BMF: variants seen among roughly 807,000 people sequenced by gnomAD.
The protein encoded by BMF is bcl-2-modifying factor.
Under a neutral mutation model 22.0 loss-of-function variants are expected in BMF, and 10 were observed. The observed-to-expected ratio is 0.45, with a 90% confidence interval of 0.28 to 0.77. BMF has a LOEUF of 0.77. Ranked by LOEUF, BMF falls within the 30% of genes least tolerant of loss-of-function variation. The pLI is 0.13. For synonymous variants in BMF, 87 were observed against 88.1 expected, an observed-to-expected ratio of 0.99 and a Z score of 0.07; for missense variants, 206 against 226.8, an observed-to-expected ratio of 0.91 and a Z score of 0.59.
intron 4 of BMF, among the ~76,000 whole-genome samples, chr15:40,095,497 T>C (rs375850058): frequency 6.6e-6 from 1 of 152,176 alleles, no homozygotes; most frequent in African/African-American, 2.4e-5. Context: ...ACTTGGCCTC[T>C]GACCCTCAGG....
intron 3 of BMF, among the ~76,000 whole-genome samples, chr15:40,105,420 G>A (rs982192279): frequency 6.6e-6 from 1 of 152,144 alleles, no homozygotes; most frequent in African/African-American, 2.4e-5. Flanking sequence ...TCCCAGAACC[G>A]GCTGGGTTTT....
rs142328136 is a variant in BMF at position 40,105,086 on chromosome 15, C to T, written c.292+709G>A. Reference sequence around the variant, plus strand: ...GAACTGCCCTAAGGGGCAGTTCCCTCTGGGAGTAACTGCAGTGTCTCCTCA... The same window carrying T: ...GAACTGCCCTAAGGGGCAGTTCCCTTTGGGAGTAACTGCAGTGTCTCCTCA... On this transcript the variant is annotated intron_variant, in intron 3 of 4. Coordinates refer to ENST00000354670, the MANE Select transcript of BMF (RefSeq NM_001003940.2). Among the ~76,000 whole-genome samples, 5 of 152,336 alleles carry T rather than the reference C, an allele frequency of 3.3e-5. No homozygotes were observed. The East Asian group carries it at 9.6e-4, about 29-fold the overall frequency.
chr15:40,106,262 T>C lies in BMF; in HGVS notation c.-5-171A>G. The C allele has an allele frequency of 2.8e-6, 2 of 718,980 alleles. No homozygotes were observed. The highest frequency in any genetic ancestry group is 4.3e-6 in the Non-Finnish European group (2 of 467,848). The allele number at this position is 718,980 out of a possible 1,614,324, so 44.5% of individuals were successfully genotyped here. A position where few individuals can be genotyped will look rare whatever the true frequency, so the allele number is the denominator to read the frequency against. On this transcript the variant is annotated intron_variant, in intron 2 of 4. Coordinates refer to ENST00000354670, the MANE Select transcript of BMF (RefSeq NM_001003940.2). This position sits in a 1 kb window ranked among gnomAD's most constrained non-coding sequence, Gnocchi z 4.1. ...AAGCACTGCTAAGGGTGACATTCACTCCCCAAATGTGGACTGCCTGAATGT... is the reference window on the plus strand; with the variant it reads ...AAGCACTGCTAAGGGTGACATTCACCCCCCAAATGTGGACTGCCTGAATGT...
At position 40,088,564 on chromosome 15, in the gene BMF, A is replaced by G. The variant is rs2036174807; in HGVS notation, c.*3223T>C. The G allele has an allele frequency of 1.3e-5, 2 of 152,370 alleles. No homozygotes were observed. The highest frequency in any genetic ancestry group is 1.3e-4 in the Admixed American group (2 of 15,284). The allele number at this position is 152,370 out of a possible 1,614,324, so 9.4% of individuals were successfully genotyped here. ...TGGGGTAGCATGCTCCTTGCTGTCCAGGACAGTCACCGTGGCTCCACAGCA... is the reference window on the plus strand; with the variant it reads ...TGGGGTAGCATGCTCCTTGCTGTCCGGGACAGTCACCGTGGCTCCACAGCA... On this transcript the variant is annotated 3_prime_UTR_variant, in exon 5 of 5. Coordinates refer to ENST00000354670, the MANE Select transcript of BMF (RefSeq NM_001003940.2).
intron 4 of BMF, 67 bp downstream of exon 4, chr15:40,104,113 G>C: frequency 6.3e-7 from 1 of 1,585,802 alleles, no homozygotes; most frequent in Non-Finnish European, 8.6e-7. Context: ...GACAAGAGGA[G>C]AGAGGCAGGC....
At chr15:40,105,000 C>T (rs144467805) in intron 3 of BMF, among the ~76,000 whole-genome samples, 2 of 152,290 alleles carry the variant, frequency 1.3e-5, no homozygotes, top group African/African-American at 4.8e-5. Context: ...CGCTCCTTTC[C>T]CTCTTCCCCG....
At chr15:40,092,806 G>C (rs997284628) in intron 4 of BMF, among the ~76,000 whole-genome samples, 3 of 151,992 alleles carry the variant, frequency 2.0e-5, no homozygotes, top group Non-Finnish European at 2.9e-5. Context: ...AAACTGGGGG[G>C]TGCTGGAAGA....
intron 4 of BMF, among the ~76,000 whole-genome samples, chr15:40,101,061 G>A (rs500804): frequency 0.3 from 45,918 of 152,044 alleles, 7,311 homozygotes; most frequent in Middle Eastern, 0.47. Context: ...CAATGATGGG[G>A]AATGACTATC....
chr15:40,099,533 C>T (rs953945301), intron 4 of BMF, among the ~76,000 whole-genome samples: 1 of 152,130 alleles, frequency 6.6e-6, no homozygotes, highest in African/African-American at 2.4e-5. Context: ...AATCCCAGCA[C>T]TTTGGGAGGC....
rs529621528 is a variant in BMF, at chr15:40,091,648, CAGAG to C, written c.*135_*138del. ...CGCTTGAGTATGTTGTATGTACACT[CAGAG>C]AGAAATTAAAAAAAATTAAAACACA... On this transcript the variant is annotated 3_prime_UTR_variant, in exon 5 of 5. Coordinates refer to ENST00000354670, the MANE Select transcript of BMF (RefSeq NM_001003940.2). The C allele has an allele frequency of 1.5e-6, 1 of 673,078 alleles. No individual in the cohort carries two copies. Among genetic ancestry groups the C allele is most frequent in the Non-Finnish European group, 2.5e-6 (1 of 392,554 alleles). The allele number at this position is 673,078 out of a possible 1,614,324, so 41.7% of individuals were successfully genotyped here.
intron 3 of BMF, among the ~76,000 whole-genome samples, chr15:40,105,083 C>T (rs1441083893): frequency 3.9e-5 from 6 of 152,198 alleles, no homozygotes; most frequent in Admixed American, 3.9e-4. Flanking sequence ...GGGGCAGTTC[C>T]CTCTGGGAGT....
At chr15:40,098,844 T>C (rs1448124177) in intron 4 of BMF, among the ~76,000 whole-genome samples, 1 of 152,098 alleles carries the variant, frequency 6.6e-6, no homozygotes, top group Non-Finnish European at 1.5e-5. Flanking sequence ...AAGGCCCTTC[T>C]CCTGGAAGAG....
At chr15:40,102,518 C>G (rs913870188) in intron 4 of BMF, among the ~76,000 whole-genome samples, 2 of 152,082 alleles carry the variant, frequency 1.3e-5, no homozygotes, top group African/African-American at 2.4e-5. Context: ...GGACTGTATC[C>G]TAGTCCTGTG....
rs1172494971 is a variant in BMF at position 40,108,248 on chromosome 15, A to ACACACC, written c.-6+10_-6+11insGGTGTG. On this transcript the variant is annotated intron_variant, in intron 2 of 4. Transcript: ENST00000354670. The stretch of plus-strand genomic sequence containing the variant: ...CACACACACACACACACACACACAC[A>ACACACC]CACCCCAGACCTGGGTGACTCCAGG... The ACACACC allele has an allele frequency of 6.5e-6, 1 of 153,458 alleles. No homozygotes were observed. The highest frequency in any genetic ancestry group is 1.4e-5 in the Non-Finnish European group (1 of 69,630). The allele number at this position is 153,458 out of a possible 1,614,324, so 9.5% of individuals were successfully genotyped here.
chr15:40,089,184 G>C lies in BMF; in HGVS notation c.*2603C>G, dbSNP rs566653706. 1.2e-4 allele frequency: 19 copies of C among 152,572 alleles called. No homozygotes were observed. In the East Asian group the frequency reaches 3.5e-3, roughly 28 times the overall value. 9.5% of individuals were successfully genotyped at this position (152,572 alleles called of 1,614,324 possible). On this transcript the variant is annotated 3_prime_UTR_variant, in exon 5 of 5. Coordinates refer to ENST00000354670, the MANE Select transcript of BMF (RefSeq NM_001003940.2). ...TAGAGACAGCCAGGCTCCTGGGGGT[G>C]GGGGATGGAGTCTGAGGGGGTGGAG... is the stretch of plus-strand genomic sequence containing the variant.
intron 4 of BMF, among the ~76,000 whole-genome samples, chr15:40,093,167 G>C (rs1054971098): frequency 5.3e-5 from 8 of 152,220 alleles, no homozygotes; most frequent in Non-Finnish European, 1.2e-4. Context: ...ACCTTTCCCA[G>C]GGCCACCATG....
rs768111287 is a variant in BMF, at chr15:40,104,231, G to A, written c.402C>T (p.Ala134=). 2 of 1,614,222 alleles carry A rather than the reference G, an allele frequency of 1.2e-6. No individual in the cohort carries two copies. Among genetic ancestry groups the A allele is most frequent in the South Asian group, 2.2e-5 (2 of 91,086 alleles). Residue 134 remains alanine, a synonymous_variant, in exon 4 of 5, where the codon GCC becomes GCT. Transcript: ENST00000354670. ...QWQHQAEVQI[A]RKLQCIADQF... ...GGTCTGCAATGCACTGAAGCTTTCG[G>A]GCAATCTGTACCTCTGCTTGATGTT...
intron 4 of BMF, among the ~76,000 whole-genome samples, chr15:40,096,522 T>A (rs2036365410): frequency 6.6e-6 from 1 of 152,224 alleles, no homozygotes; most frequent in Admixed American, 6.5e-5. Flanking sequence ...AGCACTTTCC[T>A]TTCTTCTCAT....
chr15:40,090,638 C>T lies in BMF; in HGVS notation c.*1149G>A, dbSNP rs963672535. 1 of 152,372 alleles carries T rather than the reference C, an allele frequency of 6.6e-6. No individual in the cohort carries two copies. The allele number at this position is 152,372 out of a possible 1,614,324, so 9.4% of individuals were successfully genotyped here. A position where few individuals can be genotyped will look rare whatever the true frequency, so the allele number is the denominator to read the frequency against. ...AGGAAGATAGGAAATGTGTACCCAGCTTTGACGGTTCCCCACTCTAATCGT... is the reference window on the plus strand; with the variant it reads ...AGGAAGATAGGAAATGTGTACCCAGTTTTGACGGTTCCCCACTCTAATCGT... On this transcript the variant is annotated 3_prime_UTR_variant, in exon 5 of 5. Coordinates refer to ENST00000354670, the MANE Select transcript of BMF (RefSeq NM_001003940.2).
Sources: gnomAD v4.1 joint callset for allele counts (sites outside exome capture counted in the v4.1 genomes callset) on GRCh38, gnomAD v4.1.1 for gene constraint, Gnocchi (gnomAD v3.1) non-coding constraint, MANE v1.5 for transcripts, NCBI Gene and HGNC (gene_info 2026-07-23, HGNC 2026-07-21) for gene names.